Variants in RAPGEF4 observed in about 807,000 individuals in gnomAD.
The protein encoded by RAPGEF4 is Rap guanine nucleotide exchange factor 4.
A neutral mutation model predicts 147.9 loss-of-function variants in RAPGEF4; 66 were observed. The ratio of observed to expected loss-of-function variants is 0.45; its 90% CI spans 0.37 to 0.55. RAPGEF4 has a LOEUF of 0.55. Ranked by LOEUF, RAPGEF4 falls within the 20% of genes least tolerant of loss-of-function variation. The probability of loss-of-function intolerance (pLI) is 0.00; values close to 1 mark genes in which losing one functional copy is unlikely to be tolerated. For missense variants in RAPGEF4, 1,071 were observed against 1,257.3 expected (o/e 0.85, Z 2.24); for synonymous variants, 419 against 442.7 (o/e 0.95, Z 0.67).
At chr2:172,966,456 G>T (rs1219518176) in intron 9 of RAPGEF4, among the ~76,000 whole-genome samples, 4 of 152,116 alleles carry the variant, frequency 2.6e-5, no homozygotes, top group African/African-American at 9.7e-5. Flanking sequence ...TTTCCAACAA[G>T]TTCCCAGATG....
intron 6 of RAPGEF4, among the ~76,000 whole-genome samples, chr2:172,923,621 C>T (rs1684988106): frequency 6.6e-6 from 1 of 152,238 alleles, no homozygotes; most frequent in South Asian, 2.1e-4. Flanking sequence ...CCAAAATTTA[C>T]TTCGCTTGGT....
At chr2:173,019,418 C>T (rs1695828715) in intron 22 of RAPGEF4, among the ~76,000 whole-genome samples, 1 of 152,208 alleles carries the variant, frequency 6.6e-6, no homozygotes, top group South Asian at 2.1e-4. Flanking sequence ...GCTCACGTCC[C>T]CAGGTTGTTC....
At chr2:172,774,270 G>T (rs1195569869) in intron 1 of RAPGEF4, among the ~76,000 whole-genome samples, 1 of 152,112 alleles carries the variant, frequency 6.6e-6, no homozygotes. Context: ...TTTTGAAAAT[G>T]ATGGCTCTGA....
At chr2:173,026,948 C>G in intron 24 of RAPGEF4, 133 bp from the exon 25 acceptor site, 1 of 874,822 alleles carries the variant, frequency 1.1e-6, no homozygotes, top group Non-Finnish European at 1.7e-6. Flanking sequence ...TTTAACAAAC[C>G]TCATGGAAGC....
intron 3 of RAPGEF4, among the ~76,000 whole-genome samples, chr2:172,798,521 C>A (rs138631229): frequency 6.6e-6 from 1 of 151,776 alleles, no homozygotes; most frequent in African/African-American, 2.4e-5. Context: ...CAGAAAAAAA[C>A]TGAAGGAAGA....
chr2:172,862,651 T>C (rs1694164719), intron 4 of RAPGEF4, among the ~76,000 whole-genome samples: 1 of 152,194 alleles, frequency 6.6e-6, no homozygotes, highest in Non-Finnish European at 1.5e-5. Flanking sequence ...TAAATCCTTG[T>C]TATGGAGATG....
intron 16 of RAPGEF4, among the ~76,000 whole-genome samples, chr2:172,998,975 A>T (rs1437032802): frequency 6.6e-6 from 1 of 152,166 alleles, no homozygotes; most frequent in Admixed American, 6.5e-5. Flanking sequence ...TCTAAAAGAG[A>T]TGGAGATTGG....
intron 4 of RAPGEF4, among the ~76,000 whole-genome samples, chr2:172,895,615 T>G (rs978445333): frequency 1.3e-5 from 2 of 152,246 alleles, no homozygotes; most frequent in Admixed American, 1.3e-4. Context: ...AGAAGTAATC[T>G]ACTTCTAATG....
intron 4 of RAPGEF4, among the ~76,000 whole-genome samples, chr2:172,900,983 A>G (rs1699004851): frequency 6.6e-6 from 1 of 152,086 alleles, no homozygotes; most frequent in Non-Finnish European, 1.5e-5. Context: ...AATATATTAC[A>G]TGGGAGCTTT....
chr2:173,038,318 G>C (rs1048806567), intron 29 of RAPGEF4, among the ~76,000 whole-genome samples: 2 of 152,210 alleles, frequency 1.3e-5, no homozygotes, highest in East Asian at 1.9e-4. Context: ...TGGCAAATGC[G>C]TAAAGAAACT....
At chr2:172,774,733 C>T (rs1290267522) in intron 1 of RAPGEF4, among the ~76,000 whole-genome samples, 1 of 152,084 alleles carries the variant, frequency 6.6e-6, no homozygotes, top group Non-Finnish European at 1.5e-5. Flanking sequence ...CCTTGCATTG[C>T]CATCATGTAG....
intron 1 of RAPGEF4, among the ~76,000 whole-genome samples, chr2:172,777,318 C>G (rs1684266096): frequency 6.6e-6 from 1 of 151,542 alleles, no homozygotes; most frequent in Non-Finnish European, 1.5e-5. Context: ...TGGGTATCTA[C>G]TATAATCCAG....
intron 4 of RAPGEF4, among the ~76,000 whole-genome samples, chr2:172,830,945 T>C (rs550927671): frequency 7.2e-4 from 110 of 152,226 alleles, no homozygotes; most frequent in Non-Finnish European, 1.4e-3. Flanking sequence ...ACCACTGTTA[T>C]GGGTTTCTCT....
intron 29 of RAPGEF4, among the ~76,000 whole-genome samples, chr2:173,039,828 T>G (rs1412080576): frequency 6.6e-6 from 1 of 152,222 alleles, no homozygotes; most frequent in Non-Finnish European, 1.5e-5. Context: ...CTGTAAGTTC[T>G]CTGTTCCAGC....
chr2:172,961,239 T>A lies in RAPGEF4; in HGVS notation c.698+11T>A. On this transcript the variant is annotated intron_variant, in intron 8 of 30. Transcript: ENST00000397081. ...CCTAAAGACATACAGGTATGTGTGCTAATTCTAAAGGCTGTGCCCCGCTCA... is the reference window on the plus strand; with the variant it reads ...CCTAAAGACATACAGGTATGTGTGCAAATTCTAAAGGCTGTGCCCCGCTCA... 1 of 1,540,420 alleles carries A rather than the reference T, an allele frequency of 6.5e-7. No individual in the cohort carries two copies. Among genetic ancestry groups the A allele is most frequent in the Non-Finnish European group, 9.0e-7 (1 of 1,113,258 alleles).
chr2:172,770,624 C>T lies in RAPGEF4; in HGVS notation c.66-24401C>T, dbSNP rs149660111. On this transcript the variant is annotated intron_variant, in intron 1 of 30. Transcript: ENST00000397081. ...ATACCTTGAGGAGAGGGAGTAAATCCTGTTCACATTGCACCCACAGCATGT... is the reference window on the plus strand; with the variant it reads ...ATACCTTGAGGAGAGGGAGTAAATCTTGTTCACATTGCACCCACAGCATGT... Among the ~76,000 whole-genome samples, 5 of 152,244 alleles carry T rather than the reference C, an allele frequency of 3.3e-5. 1 individual carries two copies. Among genetic ancestry groups the T allele is most frequent in the African/African-American group, 1.2e-4 (5 of 41,548 alleles).
chr2:172,942,152 C>T (rs1687221767), intron 6 of RAPGEF4, among the ~76,000 whole-genome samples: 1 of 150,354 alleles, frequency 6.7e-6, no homozygotes. Context: ...AATTTACTCT[C>T]TTAGCAATCT....
chr2:172,767,847 G>T (rs576759521), intron 1 of RAPGEF4, among the ~76,000 whole-genome samples: 1,657 of 151,982 alleles, frequency 0.011, 33 homozygotes, highest in African/African-American at 0.037. Flanking sequence ...TTTTTTGTTT[G>T]TTTCTGTTTT....
intron 1 of RAPGEF4, among the ~76,000 whole-genome samples, chr2:172,793,964 C>G (rs1574856863): frequency 6.6e-6 from 1 of 151,872 alleles, no homozygotes; most frequent in African/African-American, 2.4e-5. Flanking sequence ...GATGAAACCC[C>G]GCCAGTACAA....
Sources: gnomAD v4.1 joint callset for allele counts (sites outside exome capture counted in the v4.1 genomes callset) on GRCh38, gnomAD v4.1.1 for gene constraint, MANE v1.5 for transcripts, NCBI Gene and HGNC (gene_info 2026-07-23, HGNC 2026-07-21) for gene names.